The following CHMP3 variants were observed in gnomAD, a reference collection of about 807,000 sequenced individuals.
CHMP3 encodes the protein 25.1 protein.
CHMP3 carries 8 observed loss-of-function variants against 27.4 expected under a neutral mutation model. The ratio of observed to expected loss-of-function variants is 0.29; its 90% CI spans 0.17 to 0.53. The LOEUF (loss-of-function observed/expected upper bound fraction) is 0.53, where lower values mean the gene tolerates loss of function less well. CHMP3 is among the 20% of genes least tolerant of loss of function. The pLI is 0.96. For missense variants in CHMP3, 208 were observed against 271.5 expected (o/e 0.77, Z 1.64); for synonymous variants, 86 against 85.5 (o/e 1.01, Z -0.03).
At chr2:86,529,196 T>C in intron 3 of CHMP3, 22 bp downstream of exon 3, 1 of 1,573,404 alleles carries the variant, frequency 6.4e-7, no homozygotes, top group Non-Finnish European at 8.6e-7. Flanking sequence ...ATGAGGTGAC[T>C]GTAAGGTAAG....
At chr2:86,511,544 A>T (rs1397427640) in intron 3 of CHMP3, 2 of 151,718 alleles carry the variant, frequency 1.3e-5, no homozygotes, top group African/African-American at 4.8e-5. Flanking sequence ...TTATAAATTT[A>T]CTTTTATAAA....
chr2:86,531,521 A>G lies in CHMP3; in HGVS notation c.107-2124T>C, dbSNP rs543698315. Among the ~76,000 whole-genome samples the G allele has an allele frequency of 2.6e-5, 4 of 152,270 alleles. No individual in the cohort carries two copies. In the East Asian group the frequency reaches 5.8e-4, roughly 22 times the overall value. On this transcript the variant is annotated intron_variant, in intron 2 of 5. Transcript: ENST00000263856. ...CGAGTAGCTGGGACTACAGGCACACATCACCACGCCCAGCAGTTTGTTCTT... is the reference window on the plus strand; with the variant it reads ...CGAGTAGCTGGGACTACAGGCACACGTCACCACGCCCAGCAGTTTGTTCTT...
chr2:86,510,717 G>C (rs1044296053), intron 3 of CHMP3: 3 of 427,316 alleles, frequency 7.0e-6, no homozygotes, highest in Admixed American at 4.2e-5. Context: ...GACCAATCTG[G>C]AGAGTGGCCT....
chr2:86,532,621 G>A (rs1277849213), intron 2 of CHMP3, among the ~76,000 whole-genome samples: 1 of 152,018 alleles, frequency 6.6e-6, no homozygotes, highest in Non-Finnish European at 1.5e-5. Context: ...TCTATTCCTA[G>A]TTGTTGTTTT....
At chr2:86,545,570 T>A (rs1225151265) in intron 1 of CHMP3, among the ~76,000 whole-genome samples, 2 of 87,016 alleles carry the variant, frequency 2.3e-5, no homozygotes, top group African/African-American at 4.6e-5. Context: ...CGCTCCTCAC[T>A]TCCCAGACGG....
Position 86,505,579 on chromosome 2 carries a change from C to A in CHMP3, c.*225G>T. 4.3e-6 allele frequency: 2 copies of A among 461,404 alleles called. No individual in the cohort carries two copies. The highest frequency in any genetic ancestry group is 3.5e-6 in the Non-Finnish European group (1 of 287,376). The allele number at this position is 461,404 out of a possible 1,614,324, so 28.6% of individuals were successfully genotyped here. On this transcript the variant is annotated 3_prime_UTR_variant, in exon 6 of 6. Transcript: ENST00000263856. ...AGCAGATGGATTTCTTTCCCCTCCC[C>A]ACAATAAGATATATCTGTCTATACT...
At chr2:86,527,343 A>AG (rs372949112) in intron 3 of CHMP3, 7 of 152,328 alleles carry the variant, frequency 4.6e-5, no homozygotes, top group Admixed American at 1.3e-4. Flanking sequence ...TGGAAAAAAA[A>AG]GAGGCTGTGC....
intron 3 of CHMP3, among the ~76,000 whole-genome samples, chr2:86,525,916 C>G (rs773439963): frequency 1.3e-5 from 2 of 151,934 alleles, no homozygotes; most frequent in Non-Finnish European, 2.9e-5. Flanking sequence ...TAAAGTCAGC[C>G]CTGAAGATAA....
At chr2:86,517,565 CAAAAAAAAAA>C (rs70956116) in intron 3 of CHMP3, among the ~76,000 whole-genome samples, 1 of 90,140 alleles carries the variant, frequency 1.1e-5, no homozygotes, top group South Asian at 3.6e-4. Context: ...GACTCCGTCT[CAAAAAAAAAA>C]AAAAAAAAAA....
chr2:86,547,636 T>G (rs921723864), intron 1 of CHMP3, among the ~76,000 whole-genome samples: 37 of 152,150 alleles, frequency 2.4e-4, no homozygotes, highest in Admixed American at 1.4e-3. Flanking sequence ...TATGTTAGAG[T>G]TAAGAAACAC....
chr2:86,530,139 C>T (rs2103947753), intron 2 of CHMP3, among the ~76,000 whole-genome samples: 1 of 152,186 alleles, frequency 6.6e-6, no homozygotes, highest in South Asian at 2.1e-4. Flanking sequence ...ATTACAAGCA[C>T]CCACCACGAT....
chr2:86,563,218 T>G (rs1558666890), intron 1 of CHMP3, 86 bp downstream of exon 1: 3 of 1,495,054 alleles, frequency 2.0e-6, no homozygotes, highest in East Asian at 4.6e-5. Flanking sequence ...GGGCAGGCGG[T>G]GGGGAGAAGA....
rs888160099 is a variant in CHMP3 at position 86,536,200 on chromosome 2, G to A, written c.106+6052C>T. On this transcript the variant is annotated intron_variant, in intron 2 of 5. Coordinates refer to ENST00000263856, the MANE Select transcript of CHMP3 (RefSeq NM_016079.4). ...TTTTTAGTAGAGACGGGGTTTCACC[G>A]TTTTAGCCGGGATGGTCTCGATCTC... Among the ~76,000 whole-genome samples, 15 of 151,136 alleles carry A rather than the reference G, an allele frequency of 9.9e-5. No homozygotes were observed. In the East Asian group the frequency reaches 1.2e-3, roughly 12 times the overall value.
Position 86,510,468 on chromosome 2 carries a change from C to A in CHMP3, c.298G>T (p.Val100Leu). 1.9e-6 allele frequency: 3 copies of A among 1,612,906 alleles called. No homozygotes were observed. Among genetic ancestry groups the A allele is most frequent in the Non-Finnish European group, 2.5e-6 (3 of 1,180,004 alleles). Residue 100 changes from valine to leucine, a missense_variant, in exon 4 of 6, where the codon GTG becomes TTG. Physicochemically the swap from Val to Leu is conservative, Grantham distance 32. Transcript: ENST00000263856. The stretch of plus-strand genomic sequence containing the variant: ...GTGCTCTTCTGCAGGGAACCAGCCA[C>A]TCGCAAGACCGCTGAAAGAGAATGT... ...GMKNQLAVLR[V>L]AGSLQKSTEV...
At chr2:86,533,557 G>A (rs753085020) in intron 2 of CHMP3, among the ~76,000 whole-genome samples, 7 of 151,950 alleles carry the variant, frequency 4.6e-5, no homozygotes, top group Non-Finnish European at 7.4e-5. Context: ...AGGCTGGAGT[G>A]CAAGGTTGGT....
At position 86,516,832 on chromosome 2, in the gene CHMP3, G is replaced by A. The variant is rs1420523755; in HGVS notation, c.287-6353C>T. Among the ~76,000 whole-genome samples, 5 of 152,162 alleles carry A rather than the reference G, an allele frequency of 3.3e-5. No homozygotes were observed. In the East Asian group the frequency reaches 9.6e-4, roughly 29 times the overall value. On this transcript the variant is annotated intron_variant, in intron 3 of 5. Coordinates refer to ENST00000263856, the MANE Select transcript of CHMP3 (RefSeq NM_016079.4). The stretch of plus-strand genomic sequence containing the variant: ...ACATTCTTAAAGTAACAAAATTATA[G>A]AAATGGAGAATTAGTGGCTGCTAAG...
At chr2:86,529,077 T>G in intron 3 of CHMP3, 141 bp downstream of exon 3, 1 of 813,234 alleles carries the variant, frequency 1.2e-6, no homozygotes, top group Non-Finnish European at 1.8e-6. Context: ...ATTATTATAT[T>G]TTGCATTTCT....
chr2:86,558,103 A>C (rs566360609), intron 1 of CHMP3, among the ~76,000 whole-genome samples: 8 of 152,310 alleles, frequency 5.3e-5, no homozygotes, highest in African/African-American at 1.9e-4. Flanking sequence ...ACTCTACCCC[A>C]AGACTAAATT....
chr2:86,553,456 C>T (rs1489511672), intron 1 of CHMP3, among the ~76,000 whole-genome samples: 2 of 152,072 alleles, frequency 1.3e-5, no homozygotes, highest in Admixed American at 6.6e-5. Context: ...CTCAGCCTCC[C>T]GAGTAGCTGG....
Sources: allele counts gnomAD v4.1 joint callset (sites outside exome capture counted in the v4.1 genomes callset), GRCh38; gene constraint gnomAD v4.1.1; transcripts MANE v1.5; gene names NCBI Gene and HGNC (gene_info 2026-07-23, HGNC 2026-07-21).